The following MACROH2A2 variants were observed in gnomAD, a reference collection of about 807,000 sequenced individuals.
The protein encoded by MACROH2A2 is core histone macro-H2A.2.
In MACROH2A2, 6 loss-of-function variants were observed where a neutral mutation model predicts 37.6. The observed-to-expected ratio is 0.16, with a 90% confidence interval of 0.09 to 0.32. The LOEUF (loss-of-function observed/expected upper bound fraction) is 0.32, where lower values mean the gene tolerates loss of function less well. Among genes scored for constraint, MACROH2A2 ranks in the 10% least tolerant of loss-of-function variants. MACROH2A2 has a pLI of 1.00. For missense variants in MACROH2A2, 290 were observed against 485.9 expected, an observed-to-expected ratio of 0.60 and a Z score of 3.79; for synonymous variants, 192 against 202.7, an observed-to-expected ratio of 0.95 and a Z score of 0.45.
At position 70,109,008 on chromosome 10, in the gene MACROH2A2, C is replaced by T. The variant is rs201620779; in HGVS notation, c.779-25C>T. The T allele has an allele frequency of 1.8e-5, 29 of 1,608,228 alleles. No individual in the cohort carries two copies. The South Asian group carries it at 1.9e-4, about 10-fold the overall frequency. On this transcript the variant is annotated intron_variant, in intron 7 of 8. Transcript: ENST00000373255. The stretch of plus-strand genomic sequence containing the variant: ...CTAGGAAACCTTAGGAAATAACCCG[C>T]GGCATTTTCTCTCCTATGTCCCAGC...
intron 1 of MACROH2A2, among the ~76,000 whole-genome samples, chr10:70,059,226 G>A (rs1564539559): frequency 6.6e-6 from 1 of 152,048 alleles, no homozygotes; most frequent in Non-Finnish European, 1.5e-5. Context: ...CTGGTGCAAT[G>A]GTTCTCAGGT....
At chr10:70,100,434 T>C in intron 7 of MACROH2A2, 137 bp downstream of exon 7, 2 of 586,830 alleles carry the variant, frequency 3.4e-6, no homozygotes, top group Non-Finnish European at 6.2e-6. Context: ...TTTTAGCATC[T>C]CAGGTAATTT....
intron 6 of MACROH2A2, chr10:70,098,888 G>A (rs2072291292): frequency 6.6e-6 from 1 of 152,196 alleles, no homozygotes; most frequent in Non-Finnish European, 1.5e-5. Flanking sequence ...TGCTTCTGTA[G>A]AGAGAAACTA....
At chr10:70,104,541 G>C (rs925411895) in intron 7 of MACROH2A2, among the ~76,000 whole-genome samples, 1 of 152,180 alleles carries the variant, frequency 6.6e-6, no homozygotes, top group African/African-American at 2.4e-5. Flanking sequence ...TGGGCGTGGT[G>C]GTGGGTGCCT....
intron 3 of MACROH2A2, among the ~76,000 whole-genome samples, chr10:70,091,404 A>G (rs2072243783): frequency 6.6e-6 from 1 of 152,214 alleles, no homozygotes; most frequent in Non-Finnish European, 1.5e-5. Context: ...GGCCAGGCAC[A>G]GTGGCCCACG....
intron 4 of MACROH2A2, 25 bp from the exon 5 acceptor site, chr10:70,093,710 C>T: frequency 7.6e-7 from 1 of 1,322,288 alleles, no homozygotes; most frequent in Non-Finnish European, 1.1e-6. Flanking sequence ...TGGTTCTCAT[C>T]TTGCCTTTTG....
At chr10:70,076,979 G>GA (rs1359562473) in intron 2 of MACROH2A2, among the ~76,000 whole-genome samples, 24 of 147,204 alleles carry the variant, frequency 1.6e-4, no homozygotes, top group Non-Finnish European at 3.3e-4. Context: ...CCACCAGGCA[G>GA]ACCTCTGCAT....
chr10:70,074,096 T>G (rs1392898586), intron 1 of MACROH2A2, among the ~76,000 whole-genome samples: 1 of 152,226 alleles, frequency 6.6e-6, no homozygotes, highest in African/African-American at 2.4e-5. Context: ...TACTGAAGAT[T>G]ATATTCCATT....
chr10:70,064,080 T>A (rs1365025053), intron 1 of MACROH2A2, among the ~76,000 whole-genome samples: 1 of 152,104 alleles, frequency 6.6e-6, no homozygotes, highest in Non-Finnish European at 1.5e-5. Context: ...ATCAAACAAC[T>A]ACAAGAGGCT....
At position 70,090,171 on chromosome 10, in the gene MACROH2A2, G is replaced by T. The variant is rs759479004; in HGVS notation, c.279+5G>T. The stretch of plus-strand genomic sequence containing the variant: ...AATGACGAGGAGCTCAACCAGGTAT[G>T]TCTGAAGCCTTGAGGGAAGCCGTAG... On this transcript the variant is annotated splice_donor_5th_base_variant and intron_variant, in intron 3 of 8. Transcript: ENST00000373255. The T allele has an allele frequency of 6.3e-7, 1 of 1,590,690 alleles. No individual in the cohort carries two copies. Among genetic ancestry groups the T allele is most frequent in the Non-Finnish European group, 8.6e-7 (1 of 1,158,510 alleles).
chr10:70,090,187 G>A (rs763651171), intron 3 of MACROH2A2, 21 bp downstream of exon 3: 1 of 1,501,780 alleles, frequency 6.7e-7, no homozygotes, highest in Non-Finnish European at 9.3e-7. Context: ...AGCCTTGAGG[G>A]AAGCCGTAGA....
rs961698623 is a variant in MACROH2A2 at position 70,087,093 on chromosome 10, A to C, written c.173-2967A>C. ...GTGGTCCCAGCTACTGAGGCGGCTGATGGGGGAGGATCACTTGAGTCCAGG... is the reference window on the plus strand; with the variant it reads ...GTGGTCCCAGCTACTGAGGCGGCTGCTGGGGGAGGATCACTTGAGTCCAGG... On this transcript the variant is annotated intron_variant, in intron 2 of 8. Transcript: ENST00000373255. 5.3e-5 allele frequency among the ~76,000 whole-genome samples: 8 copies of C among 152,244 alleles called. No homozygotes were observed. The South Asian group carries it at 1.7e-3, about 32-fold the overall frequency.
chr10:70,094,874 A>G (rs891509692), intron 5 of MACROH2A2, among the ~76,000 whole-genome samples: 7 of 152,196 alleles, frequency 4.6e-5, no homozygotes, highest in African/African-American at 1.7e-4. Flanking sequence ...CCCAGAGCCC[A>G]TTACTTCTCT....
rs2071989592 is a variant in MACROH2A2 at position 70,053,541 on chromosome 10, C to G, written c.-60+541C>G. 6.6e-6 allele frequency among the ~76,000 whole-genome samples: 1 copy of G among 151,286 alleles called. No individual in the cohort carries two copies. Among genetic ancestry groups the G allele is most frequent in the African/African-American group, 2.4e-5 (1 of 41,174 alleles). ...GACAATGGAGGGGGCGCGGAGCAGC[C>G]GGGCGGAGGTTAGGGACCCGAGTCC... On this transcript the variant is annotated intron_variant, in intron 1 of 8. Transcript: ENST00000373255. This position sits in a 1 kb window ranked among gnomAD's most constrained non-coding sequence, Gnocchi z 4.8.
intron 8 of MACROH2A2, among the ~76,000 whole-genome samples, chr10:70,110,870 G>A (rs916851019): frequency 6.6e-6 from 1 of 151,628 alleles, no homozygotes; most frequent in African/African-American, 2.4e-5. Flanking sequence ...CCTGAGTGAT[G>A]GAGCAAGACT....
At chr10:70,057,550 C>T (rs1228523735) in intron 1 of MACROH2A2, among the ~76,000 whole-genome samples, 2 of 152,174 alleles carry the variant, frequency 1.3e-5, no homozygotes, top group Non-Finnish European at 2.9e-5. Context: ...TATTTGCTGT[C>T]ATGAGGGTTC....
At chr10:70,080,047 A>C (rs2136628351) in intron 2 of MACROH2A2, among the ~76,000 whole-genome samples, 1 of 152,354 alleles carries the variant, frequency 6.6e-6, no homozygotes, top group East Asian at 1.9e-4. Flanking sequence ...TGGGATGCAG[A>C]AGCGGGCAGA....
chr10:70,078,718 T>C (rs2072155459), intron 2 of MACROH2A2, among the ~76,000 whole-genome samples: 1 of 152,256 alleles, frequency 6.6e-6, no homozygotes, highest in Non-Finnish European at 1.5e-5. Context: ...AAATGACTAA[T>C]TCCATTAAGG....
At chr10:70,079,561 G>GCACACACACA (rs1437308027) in intron 2 of MACROH2A2, among the ~76,000 whole-genome samples, 3 of 83,680 alleles carry the variant, frequency 3.6e-5, no homozygotes, top group African/African-American at 9.2e-5. Context: ...TCGCGCGCGC[G>GCACACACACA]CGCGCACACA....
Sources: allele counts gnomAD v4.1 joint callset (sites outside exome capture counted in the v4.1 genomes callset), GRCh38; gene constraint gnomAD v4.1.1; non-coding constraint Gnocchi (gnomAD v3.1); transcripts MANE v1.5; gene names NCBI Gene and HGNC (gene_info 2026-07-23, HGNC 2026-07-21).